The following LNX2 variants were observed in gnomAD, a reference collection of about 807,000 sequenced individuals.
LNX2 encodes ligand of numb-protein X 2.
A neutral mutation model predicts 66.2 loss-of-function variants in LNX2; 35 were observed. The observed-to-expected ratio is 0.53, with a 90% CI of 0.40 to 0.70. The LOEUF (loss-of-function observed/expected upper bound fraction) is 0.70, where lower values mean the gene tolerates loss of function less well. Ranked by LOEUF, LNX2 falls within the 30% of genes least tolerant of loss-of-function variation. The pLI is 0.00. For missense variants in LNX2, 791 were observed against 850.8 expected (o/e 0.93, Z 0.87); for synonymous variants, 337 against 315.6 (o/e 1.07, Z -0.72).
chr13:27,609,146 T>C (rs1442523740), intron 1 of LNX2, among the ~76,000 whole-genome samples: 1 of 104,326 alleles, frequency 9.6e-6, no homozygotes, highest in Non-Finnish European at 2.0e-5. Context: ...TAACCAACAG[T>C]GATTTTTTTT....
chr13:27,568,910 A>C, intron 3 of LNX2, 119 bp downstream of exon 3: 2 of 1,076,998 alleles, frequency 1.9e-6, no homozygotes, highest in Non-Finnish European at 1.3e-6. Context: ...AGTTTCTTTT[A>C]TTTCTGTTTA....
intron 7 of LNX2, among the ~76,000 whole-genome samples, chr13:27,554,955 TTTTGA>T (rs1281388694): frequency 4.6e-5 from 7 of 152,144 alleles, no homozygotes; most frequent in African/African-American, 1.7e-4. Flanking sequence ...CTTACTGTGG[TTTTGA>T]TTTGTGTTTG....
At chr13:27,604,906 TG>T (rs1368451350) in intron 1 of LNX2, among the ~76,000 whole-genome samples, 1 of 151,104 alleles carries the variant, frequency 6.6e-6, no homozygotes, top group African/African-American at 2.4e-5. Context: ...TGAATTTTAA[TG>T]GGGGAAAAAC....
intron 1 of LNX2, among the ~76,000 whole-genome samples, chr13:27,586,476 A>G (rs1361936830): frequency 6.6e-6 from 1 of 151,832 alleles, no homozygotes; most frequent in Non-Finnish European, 1.5e-5. Context: ...GCCTCACACT[A>G]CTCTCACACT....
intron 1 of LNX2, among the ~76,000 whole-genome samples, chr13:27,585,420 T>G (rs1199941751): frequency 6.7e-6 from 1 of 150,194 alleles, no homozygotes; most frequent in Non-Finnish European, 1.5e-5. Flanking sequence ...AGACTCTGTC[T>G]CAAAAAGGAA....
chr13:27,564,365 GTA>G (rs1347395955), intron 4 of LNX2, among the ~76,000 whole-genome samples: 2 of 101,618 alleles, frequency 2.0e-5, no homozygotes, highest in African/African-American at 8.8e-5. Context: ...TGAGCTAAAT[GTA>G]TTTTTTTATC....
At position 27,615,051 on chromosome 13, in the gene LNX2, G is replaced by A. The variant is rs529715142; in HGVS notation, c.-101+5324C>T. Among the ~76,000 whole-genome samples the A allele has an allele frequency of 1.7e-4, 26 of 152,028 alleles. No homozygotes were observed. In the South Asian group the frequency reaches 5.0e-3, roughly 29 times the overall value. ...ACAAAGCAGTGGACACCAGCTGAGTGTCCTCTAGTTCAATTCAATTCTGAC... is the reference window on the plus strand; with the variant it reads ...ACAAAGCAGTGGACACCAGCTGAGTATCCTCTAGTTCAATTCAATTCTGAC... On this transcript the variant is annotated intron_variant, in intron 1 of 9. Coordinates refer to ENST00000316334, the MANE Select transcript of LNX2 (RefSeq NM_153371.4).
intron 8 of LNX2, among the ~76,000 whole-genome samples, chr13:27,552,449 A>C (rs1465006174): frequency 6.6e-6 from 1 of 152,256 alleles, no homozygotes; most frequent in East Asian, 1.9e-4. Context: ...TTTATTTTAA[A>C]GAATCAATAA....
intron 4 of LNX2, among the ~76,000 whole-genome samples, chr13:27,565,752 G>C (rs1374713488): frequency 6.6e-6 from 1 of 152,150 alleles, no homozygotes; most frequent in Non-Finnish European, 1.5e-5. Context: ...CCATGCCTAG[G>C]GGTAATGAAG....
At chr13:27,588,021 C>CAAAAAAAAAAAAAAAAAAAAAAA (rs56812051) in intron 1 of LNX2, among the ~76,000 whole-genome samples, 3 of 93,532 alleles carry the variant, frequency 3.2e-5, no homozygotes, top group African/African-American at 7.6e-5. Context: ...ACTCTTGTCA[C>CAAAAAAAAAAAAAAAAAAAAAAA]AAAAAAAAAA....
intron 1 of LNX2, among the ~76,000 whole-genome samples, chr13:27,607,142 C>T (rs574139481): frequency 6.6e-6 from 1 of 152,270 alleles, no homozygotes; most frequent in South Asian, 2.1e-4. Context: ...TACACATATT[C>T]TATTCAAGCT....
rs764319512 is a variant in LNX2, at chr13:27,562,777, T to C, written c.860A>G (p.Asn287Ser). The C allele has an allele frequency of 4.4e-6, 7 of 1,596,718 alleles. No homozygotes were observed. Among genetic ancestry groups the C allele is most frequent in the Admixed American group, 1.7e-5 (1 of 57,654 alleles). Residue 287 changes from asparagine to serine, a missense_variant, in exon 5 of 10, where the codon AAC becomes AGC. Asn to Ser is a conservative substitution (Grantham distance 46). Transcript: ENST00000316334. ...GGACACATTGCTGATATTGTAGTTG[T>C]TGACCTAGAAAAAAAGAATTGTGAC... Reference protein sequence around the residue: ...LLAGDQILQVNNYNISNVSHN... With the variant: ...LLAGDQILQVSNYNISNVSHN...
chr13:27,590,862 T>C (rs1955539753), intron 1 of LNX2, among the ~76,000 whole-genome samples: 1 of 152,198 alleles, frequency 6.6e-6, no homozygotes, highest in Non-Finnish European at 1.5e-5. Context: ...ATAAGAAATT[T>C]AAATGTTGCA....
At chr13:27,612,247 C>A (rs1014161058) in intron 1 of LNX2, among the ~76,000 whole-genome samples, 10 of 152,166 alleles carry the variant, frequency 6.6e-5, no homozygotes, top group Admixed American at 1.3e-4. Flanking sequence ...CTCATTGGGG[C>A]TAACAAGACC....
At chr13:27,600,801 G>C (rs532600723) in intron 1 of LNX2, among the ~76,000 whole-genome samples, 2 of 152,286 alleles carry the variant, frequency 1.3e-5, no homozygotes, top group East Asian at 3.9e-4. Context: ...TATTTCTAAT[G>C]GCTGGCTTGG....
chr13:27,576,728 A>G lies in LNX2; in HGVS notation c.407+4569T>C, dbSNP rs553284310. ...TGACAGAGCGAGATGCTATCTCCAGAAAAAAAAAAAGAAAAGAAAGGCCTC... is the reference window on the plus strand; with the variant it reads ...TGACAGAGCGAGATGCTATCTCCAGGAAAAAAAAAAGAAAAGAAAGGCCTC... On this transcript the variant is annotated intron_variant, in intron 2 of 9. Coordinates refer to ENST00000316334, the MANE Select transcript of LNX2 (RefSeq NM_153371.4). Among the ~76,000 whole-genome samples, 4 of 129,288 alleles carry G rather than the reference A, an allele frequency of 3.1e-5. 1 individual carries two copies. Among genetic ancestry groups the G allele is most frequent in the South Asian group, 4.8e-4 (2 of 4,130 alleles). 84.8% of individuals were successfully genotyped at this position (129,288 alleles called of 152,430 possible).
chr13:27,568,422 TGTTAACTTCCTAGTG>T (rs2138358632), intron 3 of LNX2, among the ~76,000 whole-genome samples: 1 of 152,352 alleles, frequency 6.6e-6, no homozygotes, highest in East Asian at 1.9e-4. Context: ...ACGGGCCTTC[TGTTAACTTCCTAGTG>T]GGTAACAGAG....
At chr13:27,610,434 G>A (rs1296896487) in intron 1 of LNX2, among the ~76,000 whole-genome samples, 1 of 152,176 alleles carries the variant, frequency 6.6e-6, no homozygotes. Flanking sequence ...GCTATAAGCA[G>A]GGTCTCAGCA....
At chr13:27,562,924 A>G in intron 4 of LNX2, 143 bp from the exon 5 acceptor site, 1 of 828,946 alleles carries the variant, frequency 1.2e-6, no homozygotes, top group Non-Finnish European at 1.9e-6. Flanking sequence ...ATTATTTACA[A>G]AGAAAACCAC....
Sources: gnomAD v4.1 joint callset for allele counts (sites outside exome capture counted in the v4.1 genomes callset) on GRCh38, gnomAD v4.1.1 for gene constraint, MANE v1.5 for transcripts, NCBI Gene and HGNC (gene_info 2026-07-23, HGNC 2026-07-21) for gene names.